Variants in NAV3 observed in about 807,000 individuals in gnomAD.
NAV3 encodes neuron navigator 3.
NAV3 carries 87 observed loss-of-function variants against 244.7 expected under a neutral mutation model. The observed-to-expected ratio is 0.36, with a 90% CI of 0.30 to 0.42. NAV3 has a LOEUF of 0.42. NAV3 is among the 20% of genes least tolerant of loss of function. NAV3 has a pLI of 1.00. For synonymous variants in NAV3, 1,126 were observed against 1,042.2 expected, an observed-to-expected ratio of 1.08 and a Z score of -1.55; for missense variants, 2,663 against 2,893.3, an observed-to-expected ratio of 0.92 and a Z score of 1.83.
rs772446522 is a variant in NAV3 at position 77,998,458 on chromosome 12, G to A, written c.862G>A (p.Ala288Thr). The A allele has an allele frequency of 3.1e-6, 5 of 1,604,364 alleles. No homozygotes were observed. The highest frequency in any genetic ancestry group is 4.3e-6 in the Non-Finnish European group (5 of 1,176,272). ...TGACAAAAACAAGCCTCCAAATTAT[G>A]CAAATGGAAACGAAAAAGGTAAGTG... Reference protein sequence around the residue: ...SIDKNKPPNYANGNEKDSSKG... With the variant: ...SIDKNKPPNYTNGNEKDSSKG... Residue 288 changes from alanine to threonine, a missense_variant, in exon 7 of 40, where the codon GCA becomes ACA. This residue lies in a region of NAV3 where 1,521 missense variants were observed against 1,497.0 expected (regional missense o/e 1.02). Transcript: ENST00000397909.
intron 24 of NAV3, among the ~76,000 whole-genome samples, chr12:78,170,891 T>G (rs1395356692): frequency 6.6e-6 from 1 of 151,700 alleles, no homozygotes; most frequent in Non-Finnish European, 1.5e-5. Context: ...GCAGCAATAC[T>G]TCCCTTCTTA....
At position 78,064,426 on chromosome 12, in the gene NAV3, T is replaced by TCTGTCTGTCTGCCTGC. The variant is rs66686266; in HGVS notation, c.2636+5314_2636+5315insTCTGTCTGCCTGCCTG. Among the ~76,000 whole-genome samples, 659 of 136,270 alleles carry TCTGTCTGTCTGCCTGC rather than the reference T, an allele frequency of 4.8e-3. 1 individual carries two copies. The highest frequency in any genetic ancestry group is 9.9e-3 in the East Asian group (45 of 4,560). 89.4% of individuals were successfully genotyped at this position (136,270 alleles called of 152,430 possible). On this transcript the variant is annotated intron_variant, in intron 12 of 39. Coordinates refer to ENST00000397909, the MANE Select transcript of NAV3 (RefSeq NM_001024383.2). ...GTCTGTCTGTCTGTCTGTCTGTCTG[T>TCTGTCTGTCTGCCTGC]CTGCCTGCCTGCCTGCCTGCCTGCC... is the stretch of plus-strand genomic sequence containing the variant.
At chr12:78,025,885 G>T (rs1285012742) in intron 9 of NAV3, among the ~76,000 whole-genome samples, 1 of 152,182 alleles carries the variant, frequency 6.6e-6, no homozygotes, top group Non-Finnish European at 1.5e-5. Context: ...ACCAGAAGCA[G>T]ATGCTGGAAG....
chr12:77,885,483 A>G (rs529047999), intron 1 of NAV3, among the ~76,000 whole-genome samples: 1 of 152,244 alleles, frequency 6.6e-6, no homozygotes, highest in East Asian at 1.9e-4. Context: ...TGTTGCAATA[A>G]ACACCCACAT....
In NAV3 at chr12:78,130,505, G is replaced by A. The variant is rs1956114967; in HGVS notation, c.4441+1639G>A. The A allele has an allele frequency of 2.4e-5, 5 of 204,630 alleles. No homozygotes were observed. In the South Asian group the frequency reaches 3.9e-4, roughly 16 times the overall value. The allele number at this position is 204,630 out of a possible 1,614,324, so 12.7% of individuals were successfully genotyped here. A position where few individuals can be genotyped will look rare whatever the true frequency, so the allele number is the denominator to read the frequency against. ...GAAGCCTTGGCTTTCCAGGCTTCCA[G>A]GGAAGCCTCGATTCCTGGCTGGAGG... On this transcript the variant is annotated intron_variant, in intron 18 of 39. Transcript: ENST00000397909.
intron 3 of NAV3, among the ~76,000 whole-genome samples, chr12:77,953,377 C>A (rs772713693): frequency 1.3e-5 from 2 of 152,048 alleles, no homozygotes; most frequent in Non-Finnish European, 2.9e-5. Flanking sequence ...TACCCTTCTC[C>A]ATTTCTAGTG....
chr12:78,177,111 C>G, intron 26 of NAV3, 30 bp from the exon 27 acceptor site: 1 of 1,611,758 alleles, frequency 6.2e-7, no homozygotes. Flanking sequence ...TGCAAATAGA[C>G]AAGAAGGGTA....
At chr12:78,106,032 A>G (rs1461648455) in intron 12 of NAV3, among the ~76,000 whole-genome samples, 3 of 151,596 alleles carry the variant, frequency 2.0e-5, no homozygotes, top group Non-Finnish European at 4.4e-5. Flanking sequence ...ATATTATCAT[A>G]GAGGAAAAAA....
At chr12:77,779,700 G>A (rs1870568526) in intron 2 of NAV3, among the ~76,000 whole-genome samples, 1 of 152,168 alleles carries the variant, frequency 6.6e-6, no homozygotes, top group South Asian at 2.1e-4. Flanking sequence ...CAGCTTGGTT[G>A]TAATTCTAGA....
chr12:78,193,625 A>G (rs754885464), intron 34 of NAV3, among the ~76,000 whole-genome samples: 22 of 152,146 alleles, frequency 1.4e-4, no homozygotes, highest in Non-Finnish European at 2.8e-4. Flanking sequence ...CAGTGCCTCA[A>G]TCTAAGATTT....
At chr12:77,852,564 T>A in intron 1 of NAV3, among the ~76,000 whole-genome samples, 1 of 151,806 alleles carries the variant, frequency 6.6e-6, no homozygotes. Context: ...AATAAATAAA[T>A]AAATAAATAA....
intron 2 of NAV3, among the ~76,000 whole-genome samples, chr12:77,700,467 A>G (rs1875513007): frequency 6.6e-6 from 1 of 152,174 alleles, no homozygotes; most frequent in Admixed American, 6.6e-5. Flanking sequence ...TTATTTGAGA[A>G]TACAGACAGT....
At chr12:78,053,802 A>AT (rs994010290) in intron 11 of NAV3, among the ~76,000 whole-genome samples, 17 of 152,122 alleles carry the variant, frequency 1.1e-4, no homozygotes, top group African/African-American at 3.9e-4. Context: ...TCTGAGACTC[A>AT]TTTTTTTTCA....
At position 78,005,718 on chromosome 12, in the gene NAV3, C is replaced by A. The variant is rs150296343; in HGVS notation, c.881-701C>A. 1.0e-3 allele frequency among the ~76,000 whole-genome samples: 156 copies of A among 152,240 alleles called. 2 individuals are homozygous for A. In the East Asian group the frequency reaches 0.025, roughly 25 times the overall value. On this transcript the variant is annotated intron_variant, in intron 7 of 39. Coordinates refer to ENST00000397909, the MANE Select transcript of NAV3 (RefSeq NM_001024383.2). ...CCACCATACACTCCTCATTAGATACCTAAATCATTGAATGAAGCTTACTAA... is the reference window on the plus strand; with the variant it reads ...CCACCATACACTCCTCATTAGATACATAAATCATTGAATGAAGCTTACTAA...
chr12:77,892,584 T>G lies in NAV3; in HGVS notation c.244-47735T>G, dbSNP rs111968565. On this transcript the variant is annotated intron_variant, in intron 1 of 39. Coordinates refer to ENST00000397909, the MANE Select transcript of NAV3 (RefSeq NM_001024383.2). ...GTGCATGGCACAACACCTGGCTAAT[T>G]TTTTGTATTTTTAGTCAAGATGGGG... Among the ~76,000 whole-genome samples, 1,241 of 152,152 alleles carry G rather than the reference T, an allele frequency of 8.2e-3. 18 individuals are homozygous for G. Among genetic ancestry groups the G allele is most frequent in the African/African-American group, 0.029 (1,191 of 41,488 alleles).
chr12:77,921,952 T>G (rs1427848865), intron 1 of NAV3, among the ~76,000 whole-genome samples: 1 of 152,080 alleles, frequency 6.6e-6, no homozygotes, highest in Non-Finnish European at 1.5e-5. Context: ...GGAGGATAAA[T>G]GAAATAAGGT....
chr12:77,759,680 C>G (rs375150216), intron 2 of NAV3, among the ~76,000 whole-genome samples: 1 of 152,136 alleles, frequency 6.6e-6, no homozygotes, highest in African/African-American at 2.4e-5. Context: ...TATTGACCAC[C>G]ATGGTGTGGG....
At chr12:78,029,044 A>G (rs1188064282) in intron 9 of NAV3, among the ~76,000 whole-genome samples, 2 of 152,104 alleles carry the variant, frequency 1.3e-5, no homozygotes, top group Non-Finnish European at 2.9e-5. Flanking sequence ...TGCAGTGACT[A>G]AAGACATGGT....
chr12:77,761,533 C>A (rs769534312), intron 2 of NAV3, among the ~76,000 whole-genome samples: 3 of 151,992 alleles, frequency 2.0e-5, no homozygotes, highest in African/African-American at 7.3e-5. Flanking sequence ...ATCCATCTGA[C>A]AAAGGATAAT....
Sources: gnomAD v4.1 joint callset for allele counts (sites outside exome capture counted in the v4.1 genomes callset) on GRCh38, gnomAD v4.1.1 for gene constraint, gnomAD v4.1.1 regional missense constraint, MANE v1.5 for transcripts, NCBI Gene and HGNC (gene_info 2026-07-23, HGNC 2026-07-21) for gene names.